Variants in MYLK4 observed in about 807,000 individuals in gnomAD.
The protein encoded by MYLK4 is myosin light chain kinase family member 4, also known as caMLCK like.
Under a neutral mutation model 48.1 loss-of-function variants are expected in MYLK4, and 46 were observed. The observed-to-expected ratio is 0.96, with a 90% CI of 0.75 to 1.22. The LOEUF (loss-of-function observed/expected upper bound fraction) is 1.22. MYLK4 is among the 50% of genes most tolerant of loss of function. The pLI, the probability that MYLK4 is intolerant of heterozygous loss-of-function variation, is 0.00. For missense variants in MYLK4, 451 were observed against 486.1 expected, an observed-to-expected ratio of 0.93 and a Z score of 0.68; for synonymous variants, 170 against 180.8, an observed-to-expected ratio of 0.94 and a Z score of 0.48.
At chr6:2,687,401 C>T (rs563894476) in intron 4 of MYLK4, among the ~76,000 whole-genome samples, 27 of 152,078 alleles carry the variant, frequency 1.8e-4, no homozygotes, top group Non-Finnish European at 3.7e-4. Flanking sequence ...GACTGCAGTA[C>T]CAAAGAGAAG....
chr6:2,673,762 G>T lies in MYLK4; in HGVS notation c.1119+1285C>A, dbSNP rs546350184. 6.6e-6 allele frequency among the ~76,000 whole-genome samples: 1 copy of T among 152,346 alleles called. No homozygotes were observed. The highest frequency in any genetic ancestry group is 2.1e-4 in the South Asian group (1 of 4,826). On this transcript the variant is annotated intron_variant, in intron 11 of 12. Transcript: ENST00000274643. The surrounding 1 kb of genome is among the most constrained non-coding windows in gnomAD (Gnocchi z 4.2). ...ATTATTTGGATGGAGACAACATGAAGGAGGCAGAGAAGCCAGTTAGGAGGC... is the reference window on the plus strand; with the variant it reads ...ATTATTTGGATGGAGACAACATGAATGAGGCAGAGAAGCCAGTTAGGAGGC...
chr6:2,766,254 G>A, the MYLK4 span: 4 of 1,509,104 alleles, frequency 2.7e-6, no homozygotes, highest in African/African-American at 1.4e-5. Context: ...CCGCACCCCC[G>A]GGCGCTGGCT....
chr6:2,762,880 G>C, the MYLK4 span, among the ~76,000 whole-genome samples: 1 of 152,152 alleles, frequency 6.6e-6, no homozygotes, highest in Non-Finnish European at 1.5e-5. Flanking sequence ...TTTGTGGTCT[G>C]ACTGCCTTCA....
At chr6:2,678,915 G>A (rs1381207098) in intron 9 of MYLK4, among the ~76,000 whole-genome samples, 1 of 152,062 alleles carries the variant, frequency 6.6e-6, no homozygotes, top group Non-Finnish European at 1.5e-5. Flanking sequence ...TGTTGGCCAG[G>A]ATGGTCTCAA....
At chr6:2,743,442 G>A (rs569579928) in intron 2 of MYLK4, among the ~76,000 whole-genome samples, 1 of 152,122 alleles carries the variant, frequency 6.6e-6, no homozygotes, top group Non-Finnish European at 1.5e-5. Context: ...AATAGCTATG[G>A]TGTTACATGA....
chr6:2,762,993 C>A, the MYLK4 span, among the ~76,000 whole-genome samples: 5 of 152,218 alleles, frequency 3.3e-5, no homozygotes, highest in Admixed American at 1.3e-4. Flanking sequence ...AACACCCACA[C>A]AAGCAAAAGA....
the MYLK4 span, among the ~76,000 whole-genome samples, chr6:2,761,064 A>T: frequency 6.6e-6 from 1 of 152,300 alleles, no homozygotes; most frequent in East Asian, 1.9e-4. Flanking sequence ...GCGCAAGATC[A>T]TGCCCAAAGG....
At chr6:2,738,039 A>G (rs1199030654) in intron 2 of MYLK4, among the ~76,000 whole-genome samples, 1 of 146,448 alleles carries the variant, frequency 6.8e-6, no homozygotes, top group Non-Finnish European at 1.5e-5. Context: ...AGAGAGGCTA[A>G]ATAATATCCT....
chr6:2,718,179 CAAAAAA>C (rs10590230), intron 2 of MYLK4, among the ~76,000 whole-genome samples: 37 of 133,280 alleles, frequency 2.8e-4, no homozygotes, highest in African/African-American at 4.7e-4. Context: ...AACTCTGTCT[CAAAAAA>C]AAAAAAAAAA....
chr6:2,728,260 CT>C (rs1763355119), intron 2 of MYLK4, among the ~76,000 whole-genome samples: 1 of 152,190 alleles, frequency 6.6e-6, no homozygotes, highest in Non-Finnish European at 1.5e-5. Flanking sequence ...CCTTATTTGT[CT>C]TTAGGTGTTT....
chr6:2,729,755 T>C (rs896598669), intron 2 of MYLK4, among the ~76,000 whole-genome samples: 18 of 152,226 alleles, frequency 1.2e-4, no homozygotes, highest in Non-Finnish European at 1.9e-4. Flanking sequence ...ACCAAGACCA[T>C]TGGGAGAGAA....
chr6:2,751,791 A>G (rs1384089269), upstream of MYLK4, among the ~76,000 whole-genome samples: 1 of 152,268 alleles, frequency 6.6e-6, no homozygotes, highest in Non-Finnish European at 1.5e-5. Context: ...TGAAATAAAA[A>G]TACATATTTT....
At chr6:2,684,394 G>C (rs921020486) in intron 6 of MYLK4, among the ~76,000 whole-genome samples, 6 of 152,170 alleles carry the variant, frequency 3.9e-5, no homozygotes, top group African/African-American at 1.4e-4. Flanking sequence ...ATATTTTGGG[G>C]CCTTGGGTAA....
intron 2 of MYLK4, among the ~76,000 whole-genome samples, chr6:2,728,885 G>T (rs1763379956): frequency 6.6e-6 from 1 of 152,238 alleles, no homozygotes; most frequent in Non-Finnish European, 1.5e-5. Flanking sequence ...TCAGAGGAAA[G>T]AGAGCTGAGA....
chr6:2,763,480 G>A, the MYLK4 span, among the ~76,000 whole-genome samples: 1 of 152,224 alleles, frequency 6.6e-6, no homozygotes, highest in African/African-American at 2.4e-5. Flanking sequence ...CTGCGTGGAG[G>A]CAACTACGGC....
intron 2 of MYLK4, among the ~76,000 whole-genome samples, chr6:2,729,647 A>T (rs1763407708): frequency 6.6e-6 from 1 of 151,990 alleles, no homozygotes. Flanking sequence ...ACTGGACTTT[A>T]GTGGATCAGA....
chr6:2,763,939 G>C, the MYLK4 span, among the ~76,000 whole-genome samples: 47 of 152,302 alleles, frequency 3.1e-4, no homozygotes, highest in African/African-American at 1.0e-3. Flanking sequence ...CTGAGGTCGG[G>C]AGTTCGAGGA....
intron 2 of MYLK4, among the ~76,000 whole-genome samples, chr6:2,744,587 C>A (rs1359847409): frequency 1.3e-5 from 2 of 152,210 alleles, no homozygotes; most frequent in African/African-American, 4.8e-5. Flanking sequence ...GGTGTTAAAT[C>A]CACCAACTGC....
intron 2 of MYLK4, among the ~76,000 whole-genome samples, chr6:2,729,410 G>T (rs182459449): frequency 6.6e-6 from 1 of 152,190 alleles, no homozygotes. Context: ...CACAGAGATC[G>T]TGGCAAAGGA....
Sources: gnomAD v4.1 joint callset for allele counts (sites outside exome capture counted in the v4.1 genomes callset) on GRCh38, gnomAD v4.1.1 for gene constraint, Gnocchi (gnomAD v3.1) non-coding constraint, MANE v1.5 for transcripts, NCBI Gene and HGNC (gene_info 2026-07-23, HGNC 2026-07-21) for gene names.